The following ADAM19 variants were observed in gnomAD, a reference collection of about 807,000 sequenced individuals.
ADAM19 encodes the protein disintegrin and metalloproteinase domain-containing protein 19.
In ADAM19, 65 loss-of-function variants were observed where a neutral mutation model predicts 114.7. The observed-to-expected ratio is 0.57, with a 90% CI of 0.46 to 0.70. The LOEUF (loss-of-function observed/expected upper bound fraction) is 0.70, where lower values mean the gene tolerates loss of function less well. ADAM19 is among the 30% of genes least tolerant of loss of function. The probability of loss-of-function intolerance (pLI) is 0.00; values close to 1 mark genes in which losing one functional copy is unlikely to be tolerated. For missense variants in ADAM19, 1,063 were observed against 1,204.7 expected, an observed-to-expected ratio of 0.88 and a Z score of 1.74; for synonymous variants, 466 against 460.5, an observed-to-expected ratio of 1.01 and a Z score of -0.15.
At chr5:157,568,620 G>A (rs1478471371) in intron 2 of ADAM19, 8 of 151,562 alleles carry the variant, frequency 5.3e-5, no homozygotes, top group Non-Finnish European at 1.2e-4. Flanking sequence ...ATAGGGTATT[G>A]GAAATCTGTC....
At chr5:157,510,049 T>C (rs1348512735) in intron 8 of ADAM19, among the ~76,000 whole-genome samples, 2 of 152,260 alleles carry the variant, frequency 1.3e-5, no homozygotes, top group Non-Finnish European at 2.9e-5. Flanking sequence ...TTATCTTTCT[T>C]ATGGGTATCT....
chr5:157,526,335 T>C lies in ADAM19; in HGVS notation c.407+4472A>G, dbSNP rs117372782. On this transcript the variant is annotated intron_variant, in intron 5 of 22. Coordinates refer to ENST00000257527, the MANE Select transcript of ADAM19 (RefSeq NM_033274.5). ...CTTTCACTTTTTAAAGCTTACACAT[T>C]CCTGCATGATTTGAACATTTAACAC... is the stretch of plus-strand genomic sequence containing the variant. Among the ~76,000 whole-genome samples the C allele has an allele frequency of 3.9e-4, 59 of 152,250 alleles. No individual in the cohort carries two copies. The East Asian group carries it at 0.011, about 28-fold the overall frequency.
chr5:157,562,784 C>T (rs1358265158), intron 3 of ADAM19, among the ~76,000 whole-genome samples: 2 of 152,180 alleles, frequency 1.3e-5, no homozygotes, highest in Non-Finnish European at 2.9e-5. Flanking sequence ...CCTGCTTTAG[C>T]TTCCTATGGT....
intron 12 of ADAM19, among the ~76,000 whole-genome samples, chr5:157,500,104 T>A (rs183010475): frequency 6.6e-6 from 1 of 152,160 alleles, no homozygotes; most frequent in African/African-American, 2.4e-5. Context: ...TCAAAAATCA[T>A]GTGACAGCTT....
Position 157,488,441 on chromosome 5 carries a change from G to A in ADAM19, c.2374C>T (p.Arg792Trp), listed in dbSNP as rs574929918. The A allele has an allele frequency of 2.0e-5, 33 of 1,610,834 alleles. No homozygotes were observed. Among genetic ancestry groups the A allele is most frequent in the Admixed American group, 1.3e-4 (8 of 59,716 alleles). ...CCACGCAGATAATCTGGAGGGGGCC[G>A]GGGAGGAGGCTGGGAGGGCTTCCGC... is the stretch of plus-strand genomic sequence containing the variant. Reference protein sequence around the residue: ...ILRKPSQPPPRPPPDYLRGGS... With the variant: ...ILRKPSQPPPWPPPDYLRGGS... Residue 792 changes from arginine to tryptophan, a missense_variant, in exon 21 of 23, where the codon CGG becomes TGG. Physicochemically the swap from Arg to Trp is moderately radical, Grantham distance 101. Transcript: ENST00000257527.
Position 157,479,654 on chromosome 5 carries a change from A to G in ADAM19, c.*1295T>C, listed in dbSNP as rs1201860467. On this transcript the variant is annotated 3_prime_UTR_variant, in exon 23 of 23. Transcript: ENST00000257527. ...GGTCAGGTAAGGGCAGTGACCAGAG[A>G]GAGAACAAAAGGAAGTGAATGACAA... The G allele has an allele frequency of 1.9e-5, 19 of 985,844 alleles. No individual in the cohort carries two copies. The African/African-American group carries it at 3.0e-4, about 15-fold the overall frequency. 61.1% of individuals were successfully genotyped at this position (985,844 alleles called of 1,614,324 possible).
At chr5:157,508,395 G>A (rs1045107151) in intron 9 of ADAM19, among the ~76,000 whole-genome samples, 1 of 152,174 alleles carries the variant, frequency 6.6e-6, no homozygotes, top group Non-Finnish European at 1.5e-5. Flanking sequence ...GATCACTTGA[G>A]GCCAGGAGTT....
At chr5:157,534,008 G>A (rs892546894) in intron 4 of ADAM19, among the ~76,000 whole-genome samples, 4 of 152,154 alleles carry the variant, frequency 2.6e-5, no homozygotes, top group African/African-American at 9.7e-5. Context: ...AGGGATGGCT[G>A]TGAAGAATCC....
chr5:157,526,159 CAT>C (rs72086157), intron 5 of ADAM19, among the ~76,000 whole-genome samples: 41,986 of 146,900 alleles, frequency 0.29, 6,172 homozygotes, highest in African/African-American at 0.39. Context: ...TTCATATATA[CAT>C]ATATATATAT....
chr5:157,563,847 G>C (rs776652904), intron 3 of ADAM19, among the ~76,000 whole-genome samples: 11 of 152,208 alleles, frequency 7.2e-5, no homozygotes, highest in East Asian at 3.8e-4. Context: ...AGGTTAAGAA[G>C]ATGGAAGAGC....
rs755386906 is a variant in ADAM19 at position 157,488,476 on chromosome 5, G to A, written c.2339C>T (p.Pro780Leu). 9.4e-6 allele frequency: 15 copies of A among 1,602,886 alleles called. No individual in the cohort carries two copies. Among genetic ancestry groups the A allele is most frequent in the Admixed American group, 1.7e-5 (1 of 59,090 alleles). ...CTGGGAGGGCTTCCGCAGGATTTCC[G>A]GAGTGTTGATCACCTGTACGCACAA... ...PQGKRKVINTPEILRKPSQPP... is the reference protein window; with the variant it reads ...PQGKRKVINTLEILRKPSQPP... The change falls in exon 21 of 23, where the codon CCG becomes CTG. Residue 780 changes from proline (P) to leucine (L), a missense_variant. Physicochemically the swap from Pro to Leu is moderately conservative, Grantham distance 98. This residue lies in a region of ADAM19 where 424 missense variants were observed against 445.5 expected (regional missense o/e 0.95). Transcript: ENST00000257527.
At chr5:157,535,867 C>T (rs2113761339) in intron 4 of ADAM19, among the ~76,000 whole-genome samples, 1 of 152,330 alleles carries the variant, frequency 6.6e-6, no homozygotes, top group Middle Eastern at 3.4e-3. Context: ...AGGATCCAAA[C>T]TCAGAGGAGA....
At chr5:157,508,625 G>C (rs969540358) in intron 9 of ADAM19, among the ~76,000 whole-genome samples, 6 of 151,688 alleles carry the variant, frequency 4.0e-5, no homozygotes, top group African/African-American at 1.5e-4. Context: ...AAGAAAAGAA[G>C]ACAAATGGTT....
chr5:157,544,299 G>A (rs1396136572), intron 3 of ADAM19, among the ~76,000 whole-genome samples: 2 of 152,222 alleles, frequency 1.3e-5, no homozygotes, highest in Admixed American at 6.5e-5. Context: ...ATGCTACTCA[G>A]TATGTTTTCT....
Position 157,479,355 on chromosome 5 carries a change from T to A in ADAM19, c.*1594A>T. The A allele has an allele frequency of 1.0e-6, 1 of 986,046 alleles. No homozygotes were observed. Among genetic ancestry groups the A allele is most frequent in the Non-Finnish European group, 1.2e-6 (1 of 830,088 alleles). 61.1% of individuals were successfully genotyped at this position (986,046 alleles called of 1,614,324 possible). ...GTGAATCAGAAGCTCAGCCTCAGCC[T>A]TGCAGTGAGGTTTTCAAGAGCAAAC... On this transcript the variant is annotated 3_prime_UTR_variant, in exon 23 of 23. Coordinates refer to ENST00000257527, the MANE Select transcript of ADAM19 (RefSeq NM_033274.5).
intron 22 of ADAM19, chr5:157,481,266 T>C: frequency 1.7e-6 from 1 of 580,120 alleles, no homozygotes; most frequent in South Asian, 2.1e-5. Context: ...TCCATAGTTT[T>C]CTCAATGCCT....
chr5:157,516,942 A>G (rs1026194573), intron 7 of ADAM19, among the ~76,000 whole-genome samples: 10 of 151,990 alleles, frequency 6.6e-5, no homozygotes, highest in Non-Finnish European at 1.2e-4. Context: ...TAGAACACAC[A>G]CACACACACA....
intron 2 of ADAM19, among the ~76,000 whole-genome samples, chr5:157,567,265 A>G (rs976289621): frequency 6.6e-6 from 1 of 152,348 alleles, no homozygotes; most frequent in South Asian, 2.1e-4. Context: ...TTGCCTAATT[A>G]ATCGTATTAC....
chr5:157,481,780 C>G lies in ADAM19; in HGVS notation c.2703+11G>C. The G allele has an allele frequency of 6.4e-7, 1 of 1,565,446 alleles. No homozygotes were observed. Among genetic ancestry groups the G allele is most frequent in the Non-Finnish European group, 8.7e-7 (1 of 1,153,646 alleles). ...ACCAGCTTTCACCTTGAGGGCTTCC[C>G]GTGGACTCACCTTTGGGGCAAGTGC... is the stretch of plus-strand genomic sequence containing the variant. On this transcript the variant is annotated intron_variant, in intron 22 of 22. Coordinates refer to ENST00000257527, the MANE Select transcript of ADAM19 (RefSeq NM_033274.5).
Sources: gnomAD v4.1 joint callset for allele counts (sites outside exome capture counted in the v4.1 genomes callset) on GRCh38, gnomAD v4.1.1 for gene constraint, gnomAD v4.1.1 regional missense constraint, MANE v1.5 for transcripts, NCBI Gene and HGNC (gene_info 2026-07-23, HGNC 2026-07-21) for gene names.